Variants in BUB1B observed in about 807,000 individuals in gnomAD.
The protein encoded by BUB1B is mitotic checkpoint serine/threonine-protein kinase BUB1 beta.
Under a neutral mutation model 137.7 loss-of-function variants are expected in BUB1B, and 86 were observed. That is an observed-to-expected ratio of 0.62 (90% CI 0.52 to 0.75). The LOEUF (loss-of-function observed/expected upper bound fraction) is 0.75, where lower values mean the gene tolerates loss of function less well. BUB1B is among the 30% of genes least tolerant of loss of function. BUB1B has a pLI of 0.00. For synonymous variants in BUB1B, 420 were observed against 417.9 expected, an observed-to-expected ratio of 1.00 and a Z score of -0.06; for missense variants, 1,130 against 1,236.9, an observed-to-expected ratio of 0.91 and a Z score of 1.30.
chr15:40,185,545 C>T lies in BUB1B; in HGVS notation c.967-6C>T, dbSNP rs1225073814. The T allele has an allele frequency of 2.5e-6, 4 of 1,613,912 alleles. No individual in the cohort carries two copies. Among genetic ancestry groups the T allele is most frequent in the Non-Finnish European group, 3.4e-6 (4 of 1,179,892 alleles). ...TGGTAATTTTAGTTTTCTTCTTCAT[C>T]TCCAGCCTCGTGGCAATACAGCTTC... On this transcript the variant is annotated splice_region_variant and splice_polypyrimidine_tract_variant and intron_variant, in intron 7 of 22. Coordinates refer to ENST00000287598, the MANE Select transcript of BUB1B (RefSeq NM_001211.6).
Position 40,176,486 on chromosome 15 carries a change from T to G in BUB1B, c.394T>G (p.Cys132Gly). 1 of 1,614,168 alleles carries G rather than the reference T, an allele frequency of 6.2e-7. No homozygotes were observed. The highest frequency in any genetic ancestry group is 1.3e-5 in the African/African-American group (1 of 75,070). Residue 132 changes from cysteine (C) to glycine (G), a missense_variant, in exon 5 of 23, where the codon TGC becomes GGC. By Grantham distance (159) the Cys-to-Gly change is radical. Transcript: ENST00000287598. ...AACACTTCTGTTACAGGGGCGTTTATGCAATGAGCCTTTGGATATGTACAG... is the reference window on the plus strand; with the variant it reads ...AACACTTCTGTTACAGGGGCGTTTAGGCAATGAGCCTTTGGATATGTACAG... Reference protein sequence around the residue: ...LNLWLKLGRLCNEPLDMYSYL... With the variant: ...LNLWLKLGRLGNEPLDMYSYL...
Position 40,208,769 on chromosome 15 carries a change from A to G in BUB1B, c.2142A>G (p.Ser714=), listed in dbSNP as rs778939108. 6.2e-7 allele frequency: 1 copy of G among 1,611,012 alleles called. No homozygotes were observed. Among genetic ancestry groups the G allele is most frequent in the East Asian group, 2.2e-5 (1 of 44,856 alleles). ...PEKLELTNET[S]ENPTQSPWCS... is the part of the protein sequence containing the mutation. ...AACTAGAACTTACTAATGAGACTTC[A>G]GGTAGGATATACATACCACTATATC... The change falls in exon 16 of 23, where the codon TCA becomes TCG. Residue 714 remains serine (S), a splice_region_variant and synonymous_variant. Transcript: ENST00000287598.
intron 9 of BUB1B, 95 bp downstream of exon 9, chr15:40,196,869 G>C: frequency 4.5e-6 from 5 of 1,114,022 alleles, no homozygotes; most frequent in Non-Finnish European, 5.3e-6. Flanking sequence ...CTTATAGTTT[G>C]TACCTTTGTA....
chr15:40,203,586 A>G (rs1012307770), intron 14 of BUB1B, among the ~76,000 whole-genome samples: 21 of 152,350 alleles, frequency 1.4e-4, no homozygotes, highest in Admixed American at 4.6e-4. Flanking sequence ...ACTAATTTTA[A>G]AGCCTTTTGT....
At position 40,176,501 on chromosome 15, in the gene BUB1B, G is replaced by A. The variant is rs745502240; in HGVS notation, c.409G>A (p.Asp137Asn). The change falls in exon 5 of 23, where the codon GAT (aspartate) becomes AAT (asparagine). Residue 137 changes from aspartate to asparagine, a missense_variant. By Grantham distance (23) the Asp-to-Asn change is conservative. Transcript: ENST00000287598. Reference sequence around the variant, plus strand: ...GGGGCGTTTATGCAATGAGCCTTTGGATATGTACAGTTACTTGCACAACCA... The same window carrying A: ...GGGGCGTTTATGCAATGAGCCTTTGAATATGTACAGTTACTTGCACAACCA... ...KLGRLCNEPLDMYSYLHNQGI... is the reference protein window; with the variant it reads ...KLGRLCNEPLNMYSYLHNQGI... The A allele has an allele frequency of 1.9e-6, 3 of 1,614,100 alleles. No individual in the cohort carries two copies. The highest frequency in any genetic ancestry group is 2.5e-6 in the Non-Finnish European group (3 of 1,179,998).
intron 20 of BUB1B, among the ~76,000 whole-genome samples, chr15:40,215,398 G>C (rs1349629667): frequency 6.6e-6 from 1 of 152,126 alleles, no homozygotes. Context: ...CTTGAACTCA[G>C]GAGGCAGAGG....
chr15:40,219,921 A>C (rs185595701), intron 22 of BUB1B, among the ~76,000 whole-genome samples: 1 of 152,230 alleles, frequency 6.6e-6, no homozygotes, highest in African/African-American at 2.4e-5. Flanking sequence ...TGTCTCTTAC[A>C]TGAACTTTTA....
chr15:40,214,654 C>T (rs1220091605), intron 20 of BUB1B, among the ~76,000 whole-genome samples: 1 of 152,122 alleles, frequency 6.6e-6, no homozygotes, highest in African/African-American at 2.4e-5. Flanking sequence ...CAATGTGTTC[C>T]TGTGATTGTA....
At chr15:40,163,990 A>G (rs1441444604) in intron 1 of BUB1B, among the ~76,000 whole-genome samples, 1 of 152,190 alleles carries the variant, frequency 6.6e-6, no homozygotes, top group Non-Finnish European at 1.5e-5. Context: ...GTCTCTTAGA[A>G]ATAGTCTTCT....
intron 6 of BUB1B, 45 bp downstream of exon 6, chr15:40,183,928 G>T: frequency 1.3e-6 from 2 of 1,590,758 alleles, no homozygotes; most frequent in East Asian, 2.2e-5. Flanking sequence ...AGTTTCTAGT[G>T]GTAAAATCAT....
At position 40,197,272 on chromosome 15, in the gene BUB1B, C is replaced by T. The variant is rs185274414; in HGVS notation, c.1288+498C>T. 1.9e-3 allele frequency among the ~76,000 whole-genome samples: 292 copies of T among 152,008 alleles called. 1 individual carries two copies. Among genetic ancestry groups the T allele is most frequent in the Middle Eastern group, 0.014 (4 of 294 alleles). ...TGCAGTGATTTAGATTATAGATATT[C>T]GTATTGTTTTTTAAAGACATTATAT... On this transcript the variant is annotated intron_variant, in intron 9 of 22. Transcript: ENST00000287598.
Position 40,170,687 on chromosome 15 carries a change from T to A in BUB1B, c.384+6T>A, listed in dbSNP as rs2140881867. The A allele has an allele frequency of 1.2e-6, 2 of 1,613,074 alleles. No individual in the cohort carries two copies. Among genetic ancestry groups the A allele is most frequent in the Non-Finnish European group, 1.7e-6 (2 of 1,179,286 alleles). On this transcript the variant is annotated splice_donor_region_variant and intron_variant, in intron 4 of 22. Coordinates refer to ENST00000287598, the MANE Select transcript of BUB1B (RefSeq NM_001211.6). Reference sequence around the variant, plus strand: ...TCAATCTCTGGCTTAAATTAGTAAGTCTTTCTCAAGTGCCATCTGAGTTTT... The same window carrying A: ...TCAATCTCTGGCTTAAATTAGTAAGACTTTCTCAAGTGCCATCTGAGTTTT...
intron 3 of BUB1B, 57 bp downstream of exon 3, chr15:40,170,178 C>G (rs1227113332): frequency 6.7e-7 from 1 of 1,502,266 alleles, no homozygotes; most frequent in East Asian, 2.3e-5. Context: ...GTCCTTATGG[C>G]CATGTTTCTC....
chr15:40,170,258 T>C, intron 3 of BUB1B, 137 bp downstream of exon 3: 1 of 859,424 alleles, frequency 1.2e-6, no homozygotes. Context: ...TCCAGAATAA[T>C]CATAATATAT....
At chr15:40,161,339 G>C in intron 1 of BUB1B, 84 bp downstream of exon 1, 1 of 1,489,690 alleles carries the variant, frequency 6.7e-7, no homozygotes, top group Non-Finnish European at 9.1e-7. Flanking sequence ...CGGAGCAGTC[G>C]AGGGGGAGAT....
At chr15:40,165,337 G>A (rs1298882519) in intron 2 of BUB1B, 141 bp downstream of exon 2, 6 of 1,075,352 alleles carry the variant, frequency 5.6e-6, no homozygotes, top group Middle Eastern at 2.8e-4. Context: ...ACCTGCTTTC[G>A]TATCACATGA....
chr15:40,207,880 T>TA lies in BUB1B; in HGVS notation c.2010-745dup, dbSNP rs11285631. Among the ~76,000 whole-genome samples the TA allele has an allele frequency of 2.6e-3, 383 of 147,832 alleles. 2 individuals carry two copies. In the East Asian group the frequency reaches 0.041, roughly 16 times the overall value. On this transcript the variant is annotated intron_variant, in intron 15 of 22. Coordinates refer to ENST00000287598, the MANE Select transcript of BUB1B (RefSeq NM_001211.6). ...AGTGATGCCTTGTGTCTAATAAAAA[T>TA]AAAAAAAAAAAATAGCTAGGCATGG...
At chr15:40,182,159 G>A (rs2037302478) in intron 5 of BUB1B, among the ~76,000 whole-genome samples, 2 of 152,220 alleles carry the variant, frequency 1.3e-5, no homozygotes, top group Non-Finnish European at 2.9e-5. Context: ...AGCCGAGATT[G>A]TGCCACTGTA....
intron 5 of BUB1B, among the ~76,000 whole-genome samples, chr15:40,182,879 G>A (rs909807137): frequency 6.6e-6 from 1 of 152,126 alleles, no homozygotes; most frequent in Non-Finnish European, 1.5e-5. Context: ...ACAATCCTGC[G>A]TGGGTTGTTT....
Sources: allele counts gnomAD v4.1 joint callset (sites outside exome capture counted in the v4.1 genomes callset), GRCh38; gene constraint gnomAD v4.1.1; transcripts MANE v1.5; gene names NCBI Gene and HGNC (gene_info 2026-07-23, HGNC 2026-07-21).